The following ZFR2 variants were observed in gnomAD, a reference collection of about 807,000 sequenced individuals.
ZFR2 encodes the protein zinc finger RNA-binding protein 2.
A neutral mutation model predicts 105.7 loss-of-function variants in ZFR2; 104 were observed. The ratio of observed to expected loss-of-function variants is 0.98; its 90% confidence interval spans 0.84 to 1.16. ZFR2 has a LOEUF of 1.16. Among genes scored for constraint, ZFR2 ranks in the 50% most tolerant of loss-of-function variants. The pLI is 0.00. For missense variants in ZFR2, 1,425 were observed against 1,355.5 expected (o/e 1.05, Z -0.80); for synonymous variants, 634 against 597.7 (o/e 1.06, Z -0.89).
chr19:3,853,980 AG>A (rs1160236741), intron 1 of ZFR2, among the ~76,000 whole-genome samples: 3 of 152,124 alleles, frequency 2.0e-5, no homozygotes, highest in Admixed American at 2.0e-4. Context: ...GCTACTTGGG[AG>A]GCAGAGGTGG....
Position 3,831,697 on chromosome 19 carries a change from G to A in ZFR2, c.561C>T (p.Pro187=). The A allele has an allele frequency of 6.3e-7, 1 of 1,580,116 alleles. No homozygotes were observed. Among genetic ancestry groups the A allele is most frequent in the Non-Finnish European group, 8.6e-7 (1 of 1,161,436 alleles). The change falls in exon 4 of 19, where the codon CCC becomes CCT. Residue 187 remains proline, a synonymous_variant. Transcript: ENST00000262961. The stretch of plus-strand genomic sequence containing the variant: ...TGCAGGTGGGGTTGTAGGAGGGCGG[G>A]GGGTAGGAGGTCACGATGGAAGCTG... ...ESSASIVTSY[P]PPSYNPTCTA...
intron 1 of ZFR2, among the ~76,000 whole-genome samples, chr19:3,860,772 A>T (rs1209933634): frequency 2.0e-5 from 3 of 152,096 alleles, no homozygotes; most frequent in African/African-American, 7.2e-5. Flanking sequence ...TGTGCACCAA[A>T]CTGGCCGACA....
In ZFR2 at chr19:3,831,432, G is replaced by A; in HGVS notation, c.723C>T (p.Gly241=). The part of the protein sequence containing the change: ...QQLPPPPAPA[G]SGSSPRADSK... ...AGTCGGCCCTGGGGCTGCTTCCTGA[G>A]CCTGCAGGCGCGGGCGGCGGGGGCA... The change falls in exon 5 of 19, where the codon GGC becomes GGT. Residue 241 remains glycine, a synonymous_variant. Transcript: ENST00000262961. 1.3e-6 allele frequency: 2 copies of A among 1,552,868 alleles called. No individual in the cohort carries two copies. Among genetic ancestry groups the A allele is most frequent in the Non-Finnish European group, 1.7e-6 (2 of 1,149,694 alleles).
intron 1 of ZFR2, among the ~76,000 whole-genome samples, chr19:3,845,146 A>T (rs986405433): frequency 6.6e-6 from 1 of 152,154 alleles, no homozygotes; most frequent in East Asian, 1.9e-4. Flanking sequence ...TCTGTGTTCT[A>T]ATCTCTTCTT....
Position 3,840,186 on chromosome 19 carries a change from C to T in ZFR2, c.54-5203G>A, listed in dbSNP as rs112673752. Among the ~76,000 whole-genome samples, 1,137 of 152,100 alleles carry T rather than the reference C, an allele frequency of 7.5e-3. 5 individuals carry two copies. The highest frequency in any genetic ancestry group is 0.017 in the African/African-American group (721 of 41,490). Reference sequence around the variant, plus strand: ...CAGGCCCTGCATCTTAGAGTTTCATCGCCCAGTACAGAAGCAGCAGCCACA... The same window carrying T: ...CAGGCCCTGCATCTTAGAGTTTCATTGCCCAGTACAGAAGCAGCAGCCACA... On this transcript the variant is annotated intron_variant, in intron 1 of 18. Coordinates refer to ENST00000262961, the MANE Select transcript of ZFR2 (RefSeq NM_015174.2).
intron 1 of ZFR2, among the ~76,000 whole-genome samples, chr19:3,844,121 C>T (rs1200990520): frequency 1.3e-5 from 2 of 151,544 alleles, no homozygotes; most frequent in South Asian, 2.1e-4. Context: ...ATGGTGGTGA[C>T]GGCTCCCCAA....
Position 3,821,320 on chromosome 19 carries a change from C to G in ZFR2, c.1631+20G>C, listed in dbSNP as rs2037889430. On this transcript the variant is annotated intron_variant, in intron 10 of 18. Coordinates refer to ENST00000262961, the MANE Select transcript of ZFR2 (RefSeq NM_015174.2). The stretch of plus-strand genomic sequence containing the variant: ...GCCCTCCCTCACCAGGCCCCCTTGC[C>G]AAGACCCGCAGCCGGGCACCTCCTC... The G allele has an allele frequency of 6.4e-7, 1 of 1,558,584 alleles. No individual in the cohort carries two copies. Among genetic ancestry groups the G allele is most frequent in the African/African-American group, 1.4e-5 (1 of 73,556 alleles).
rs1052294853 is a variant in ZFR2, at chr19:3,822,314, T to G, written c.1372-114A>C. ...CTCCTTGCTGCTCATTTTATTTATGTATGTCTTTTTAGAGACAGCGTCTTG... is the reference window on the plus strand; with the variant it reads ...CTCCTTGCTGCTCATTTTATTTATGGATGTCTTTTTAGAGACAGCGTCTTG... On this transcript the variant is annotated intron_variant, in intron 8 of 18. Coordinates refer to ENST00000262961, the MANE Select transcript of ZFR2 (RefSeq NM_015174.2). 4.4e-5 allele frequency: 65 copies of G among 1,470,182 alleles called. No individual in the cohort carries two copies. In the African/African-American group the frequency reaches 8.6e-4, roughly 20 times the overall value. The allele number at this position is 1,470,182 out of a possible 1,614,324, so 91.1% of individuals were successfully genotyped here. A position where few individuals can be genotyped will look rare whatever the true frequency, so the allele number is the denominator to read the frequency against.
chr19:3,819,224 C>G lies in ZFR2; in HGVS notation c.1752G>C (p.Arg584=). The part of the protein sequence containing the change: ...PASAPLQPGR[R]PASSDDRHVM... ...CGTGCCGGTCGTCGCTGGACGCCGG[C>G]CGCCGCCCGGGCTGTGGGGAGAGGC... The change falls in exon 12 of 19, where the codon CGG becomes CGC. Residue 584 remains arginine (R), a synonymous_variant. Coordinates refer to ENST00000262961, the MANE Select transcript of ZFR2 (RefSeq NM_015174.2). The G allele has an allele frequency of 6.5e-7, 1 of 1,545,730 alleles. No individual in the cohort carries two copies. Among genetic ancestry groups the G allele is most frequent in the Non-Finnish European group, 8.7e-7 (1 of 1,154,228 alleles).
intron 17 of ZFR2, among the ~76,000 whole-genome samples, chr19:3,808,401 CCT>C (rs1275013260): frequency 6.6e-6 from 1 of 152,260 alleles, no homozygotes; most frequent in East Asian, 1.9e-4. Context: ...TGGCCGCCAC[CCT>C]CTCACATGTG....
intron 17 of ZFR2, among the ~76,000 whole-genome samples, 188 bp from the exon 18 acceptor site, chr19:3,807,457 T>A (rs1253567113): frequency 6.6e-6 from 1 of 151,968 alleles, no homozygotes; most frequent in East Asian, 1.9e-4. Flanking sequence ...CATGGGGGAG[T>A]CCTCCTGGCC....
At chr19:3,847,993 G>C (rs2038200311) in intron 1 of ZFR2, among the ~76,000 whole-genome samples, 1 of 152,226 alleles carries the variant, frequency 6.6e-6, no homozygotes, top group East Asian at 1.9e-4. Flanking sequence ...CTTTGGTTTT[G>C]TACAATCTAC....
At position 3,819,105 on chromosome 19, in the gene ZFR2, A is replaced by T; in HGVS notation, c.1871T>A (p.Val624Glu). Residue 624 changes from valine (V) to glutamate (E), a missense_variant, in exon 12 of 19, where the codon GTG becomes GAG. Val to Glu is a moderately radical substitution (Grantham distance 121). Coordinates refer to ENST00000262961, the MANE Select transcript of ZFR2 (RefSeq NM_015174.2). ...VSHAERALKL[V>E]SDTLAEEDRG... The stretch of plus-strand genomic sequence containing the variant: ...GTCCTCCTCGGCCAGTGTGTCGGAC[A>T]CCAGCTTGAGGGCCCGCTCTGCGTG... 1 of 1,612,290 alleles carries T rather than the reference A, an allele frequency of 6.2e-7. No homozygotes were observed. The highest frequency in any genetic ancestry group is 1.1e-5 in the South Asian group (1 of 91,036).
chr19:3,812,880 A>ACCAACCTGG (rs954244274), intron 14 of ZFR2, among the ~76,000 whole-genome samples: 1 of 152,152 alleles, frequency 6.6e-6, no homozygotes, highest in Non-Finnish European at 1.5e-5. Context: ...GGAGTTCGAG[A>ACCAACCTGG]CCAACCTGGC....
rs1185392184 is a variant in ZFR2 at position 3,813,622 on chromosome 19, G to A, written c.2242+198C>T. On this transcript the variant is annotated intron_variant, in intron 14 of 18. Transcript: ENST00000262961. The surrounding 1 kb of genome is among the most constrained non-coding windows in gnomAD (Gnocchi z 4.4). ...TCTGAGCCCATCTGATGCTGTCACC[G>A]ACTCGCCGCCTCTGCTGCCCGGAGA... 3.3e-5 allele frequency among the ~76,000 whole-genome samples: 5 copies of A among 152,190 alleles called. No individual in the cohort carries two copies. Among genetic ancestry groups the A allele is most frequent in the South Asian group, 2.1e-4 (1 of 4,830 alleles).
At chr19:3,831,975 G>T (rs1413578903) in intron 3 of ZFR2, 97 bp from the exon 4 acceptor site, 40 of 1,090,934 alleles carry the variant, frequency 3.7e-5, no homozygotes, top group Non-Finnish European at 4.4e-5. Context: ...GAACACGCTA[G>T]ATGCTTAAGC....
chr19:3,849,046 C>T (rs973490725), intron 1 of ZFR2, among the ~76,000 whole-genome samples: 1 of 152,158 alleles, frequency 6.6e-6, no homozygotes, highest in Non-Finnish European at 1.5e-5. Context: ...AAACACAAAG[C>T]GTTCAGTACT....
At chr19:3,811,099 G>A (rs1009037222) in intron 15 of ZFR2, among the ~76,000 whole-genome samples, 173 bp downstream of exon 15, 1 of 152,250 alleles carries the variant, frequency 6.6e-6, no homozygotes, top group African/African-American at 2.4e-5. Context: ...CCATCAGCCA[G>A]GAGCCAGCGT....
At chr19:3,849,984 C>G (rs1277281807) in intron 1 of ZFR2, among the ~76,000 whole-genome samples, 2 of 152,140 alleles carry the variant, frequency 1.3e-5, no homozygotes, top group East Asian at 3.9e-4. Flanking sequence ...AGACTGAGGA[C>G]CTGTGAGGGA....
Sources: allele counts gnomAD v4.1 joint callset (sites outside exome capture counted in the v4.1 genomes callset), GRCh38; gene constraint gnomAD v4.1.1; non-coding constraint Gnocchi (gnomAD v3.1); transcripts MANE v1.5; gene names NCBI Gene and HGNC (gene_info 2026-07-23, HGNC 2026-07-21).